Variants in ACTR3C observed in about 807,000 individuals in gnomAD.
ACTR3C encodes the protein actin-related protein 3C.
Under a neutral mutation model 26.3 loss-of-function variants are expected in ACTR3C, and 18 were observed. The ratio of observed to expected loss-of-function variants is 0.68; its 90% CI spans 0.47 to 1.01. ACTR3C has a LOEUF of 1.01. Among genes scored for constraint, ACTR3C ranks in the 50% least tolerant of loss-of-function variants. ACTR3C has a pLI of 0.00. For missense variants in ACTR3C, 184 were observed against 250.7 expected (o/e 0.73, Z 1.80); for synonymous variants, 55 against 94.5 (o/e 0.58, Z 2.42).
chr7:150,012,537 G>A, the ACTR3C span, among the ~76,000 whole-genome samples: 38 of 150,160 alleles, frequency 2.5e-4, no homozygotes, highest in Non-Finnish European at 4.7e-4. Context: ...GGATGGTCTC[G>A]ATCTCCTGAC....
the ACTR3C span, among the ~76,000 whole-genome samples, chr7:150,035,007 C>T: frequency 7.2e-6 from 1 of 139,062 alleles, no homozygotes; most frequent in Non-Finnish European, 1.6e-5. Flanking sequence ...TGATGGGGGT[C>T]CTCAGAGCCA....
chr7:150,275,723 C>A (rs147470411), intron 6 of ACTR3C, among the ~76,000 whole-genome samples: 5,632 of 148,368 alleles, frequency 0.038, 316 homozygotes, highest in African/African-American at 0.13. Flanking sequence ...AAAAAAAAAA[C>A]AAAACAAAAA....
chr7:150,008,533 C>T, the ACTR3C span, among the ~76,000 whole-genome samples: 14 of 152,318 alleles, frequency 9.2e-5, no homozygotes, highest in African/African-American at 2.6e-4. Context: ...AGCACAGACC[C>T]GGACCTCCTC....
At chr7:150,161,201 T>TA in the ACTR3C span, among the ~76,000 whole-genome samples, 59 of 86,646 alleles carry the variant, frequency 6.8e-4, 1 homozygote, top group African/African-American at 2.8e-3. Context: ...GAGGAAAGTA[T>TA]TTATATATAT....
chr7:150,119,361 C>T, the ACTR3C span, among the ~76,000 whole-genome samples: 2 of 152,190 alleles, frequency 1.3e-5, no homozygotes, highest in Non-Finnish European at 2.9e-5. Context: ...TGCAAAGACA[C>T]ACATAGGCTT....
chr7:150,227,691 TTTTTTTTTTG>T, the ACTR3C span, among the ~76,000 whole-genome samples: 2 of 140,686 alleles, frequency 1.4e-5, 1 homozygote, highest in African/African-American at 5.9e-5. Context: ...TGTCTGGGTT[TTTTTTTTTTG>T]TTTTTTTTTT....
chr7:149,969,788 G>T, the ACTR3C span, among the ~76,000 whole-genome samples: 2 of 152,144 alleles, frequency 1.3e-5, no homozygotes, highest in African/African-American at 4.8e-5. Flanking sequence ...TGACTGCAAG[G>T]TTAGCGTTAT....
the ACTR3C span, among the ~76,000 whole-genome samples, chr7:149,896,831 G>A: frequency 1.3e-5 from 2 of 151,828 alleles, no homozygotes; most frequent in South Asian, 2.1e-4. Flanking sequence ...AGGTCGAGGC[G>A]GGTAGATCAC....
chr7:149,961,824 C>T, the ACTR3C span, among the ~76,000 whole-genome samples: 4,077 of 151,656 alleles, frequency 0.027, 143 homozygotes, highest in African/African-American at 0.077. Context: ...AATATGGGCT[C>T]ATAGGAAGTA....
At chr7:150,060,140 C>T in the ACTR3C span, among the ~76,000 whole-genome samples, 2 of 152,130 alleles carry the variant, frequency 1.3e-5, no homozygotes, top group East Asian at 3.8e-4. Flanking sequence ...GAATGTGAGT[C>T]TCGCTCCATA....
the ACTR3C span, among the ~76,000 whole-genome samples, chr7:150,199,868 C>T: frequency 6.6e-6 from 1 of 151,088 alleles, no homozygotes; most frequent in South Asian, 2.1e-4. Flanking sequence ...CTTAAATATA[C>T]ACAATATAAA....
chr7:149,956,932 C>G, the ACTR3C span, among the ~76,000 whole-genome samples: 1 of 152,100 alleles, frequency 6.6e-6, no homozygotes, highest in Non-Finnish European at 1.5e-5. Context: ...CACTGCTTGC[C>G]GCTAGAACTC....
chr7:149,882,507 C>T, the ACTR3C span, among the ~76,000 whole-genome samples: 1 of 152,164 alleles, frequency 6.6e-6, no homozygotes, highest in Non-Finnish European at 1.5e-5. Context: ...ATCCTTCCTT[C>T]CTGTGCAGCC....
At chr7:150,137,051 A>T in the ACTR3C span, among the ~76,000 whole-genome samples, 1 of 152,138 alleles carries the variant, frequency 6.6e-6, no homozygotes, top group Non-Finnish European at 1.5e-5. Flanking sequence ...ATCGAATGCC[A>T]CCCCTGATCT....
chr7:150,019,609 AAT>A, the ACTR3C span, among the ~76,000 whole-genome samples: 4 of 144,542 alleles, frequency 2.8e-5, no homozygotes, highest in Admixed American at 1.4e-4. Context: ...AAATAATAAT[AAT>A]AATAATAATA....
the ACTR3C span, among the ~76,000 whole-genome samples, chr7:150,209,918 CAAAAA>C: frequency 1.6e-5 from 1 of 63,084 alleles, no homozygotes; most frequent in Admixed American, 1.7e-4. Flanking sequence ...GACTGGGTCT[CAAAAA>C]AAAAAAAAAA....
At chr7:150,196,214 T>C in the ACTR3C span, among the ~76,000 whole-genome samples, 4 of 152,248 alleles carry the variant, frequency 2.6e-5, no homozygotes, top group African/African-American at 9.6e-5. Flanking sequence ...CCTCAAATCT[T>C]TGTCATACTT....
chr7:150,261,642 C>T (rs1198230183), intron 6 of ACTR3C, among the ~76,000 whole-genome samples: 14 of 152,244 alleles, frequency 9.2e-5, no homozygotes, highest in African/African-American at 3.1e-4. Flanking sequence ...GCAGAGGTTG[C>T]GGTGAGCAGA....
chr7:149,943,036 C>G, the ACTR3C span, among the ~76,000 whole-genome samples: 1 of 152,082 alleles, frequency 6.6e-6, no homozygotes, highest in African/African-American at 2.4e-5. Flanking sequence ...CCACCCACGG[C>G]TGGAGCCCCT....
Sources: gnomAD v4.1 joint callset for allele counts (sites outside exome capture counted in the v4.1 genomes callset) on GRCh38, gnomAD v4.1.1 for gene constraint, MANE v1.5 for transcripts, NCBI Gene and HGNC (gene_info 2026-07-23, HGNC 2026-07-21) for gene names.